Variants in SNTG2 observed in about 807,000 individuals in gnomAD.
SNTG2 encodes gamma-2-syntrophin.
A neutral mutation model predicts 70.9 loss-of-function variants in SNTG2; 74 were observed. The observed-to-expected ratio is 1.04, with a 90% confidence interval of 0.86 to 1.27. The LOEUF (loss-of-function observed/expected upper bound fraction) is 1.27, where lower values mean the gene tolerates loss of function less well. SNTG2 is among the 50% of genes most tolerant of loss of function. The probability of loss-of-function intolerance (pLI) is 0.00; values close to 1 mark genes in which losing one functional copy is unlikely to be tolerated. For missense variants in SNTG2, 717 were observed against 690.7 expected, an observed-to-expected ratio of 1.04 and a Z score of -0.43; for synonymous variants, 278 against 273.8, an observed-to-expected ratio of 1.02 and a Z score of -0.15.
intron 11 of SNTG2, among the ~76,000 whole-genome samples, chr2:1,240,133 A>G (rs1676952454): frequency 6.6e-6 from 1 of 152,234 alleles, no homozygotes; most frequent in Non-Finnish European, 1.5e-5. Context: ...GTAATTTGAA[A>G]TTTTAAGCAT....
rs1380615460 is a variant in SNTG2, at chr2:1,261,969, G to A, written c.1077+2528G>A. On this transcript the variant is annotated intron_variant, in intron 13 of 16. Coordinates refer to ENST00000308624, the MANE Select transcript of SNTG2 (RefSeq NM_018968.4). Reference sequence around the variant, plus strand: ...CAGTGGTGTTCCGGGAGCCTGTCGCGAGTGGCCGTTAAGAGTTCTAGAACG... The same window carrying A: ...CAGTGGTGTTCCGGGAGCCTGTCGCAAGTGGCCGTTAAGAGTTCTAGAACG... Among the ~76,000 whole-genome samples the A allele has an allele frequency of 3.3e-5, 5 of 152,126 alleles. No individual in the cohort carries two copies. The East Asian group carries it at 5.8e-4, about 18-fold the overall frequency.
At chr2:1,285,044 C>T (rs1679711778) in intron 14 of SNTG2, among the ~76,000 whole-genome samples, 1 of 151,902 alleles carries the variant, frequency 6.6e-6, no homozygotes, top group Admixed American at 6.6e-5. Flanking sequence ...CATCCCCAAG[C>T]TGAGGAGCAA....
chr2:1,162,044 A>C (rs1346062390), intron 6 of SNTG2, among the ~76,000 whole-genome samples: 1 of 128,038 alleles, frequency 7.8e-6, no homozygotes, highest in Non-Finnish European at 1.6e-5. Flanking sequence ...ACTGCACTCC[A>C]GCCTGGGCGA....
rs541944374 is a variant in SNTG2 at position 1,140,223 on chromosome 2, ATTTTACTACTTTAAGTTG to A, written c.411+2417_411+2434del. 4.1e-3 allele frequency among the ~76,000 whole-genome samples: 623 copies of A among 152,314 alleles called. 3 individuals carry two copies. Among genetic ancestry groups the A allele is most frequent in the African/African-American group, 0.013 (536 of 41,572 alleles). On this transcript the variant is annotated intron_variant, in intron 6 of 16. Transcript: ENST00000308624. ...CTTATTCACTCTACTGCTTTGGAAA[ATTTTACTACTTTAAGTTG>A]TTAAAACATCTTAATACACATACAT... is the stretch of plus-strand genomic sequence containing the variant.
In SNTG2 at chr2:1,367,375, G is replaced by A. The variant is rs1224182804; in HGVS notation, c.1521G>A (p.Leu507=). The A allele has an allele frequency of 6.4e-6, 10 of 1,551,614 alleles. No homozygotes were observed. The highest frequency in any genetic ancestry group is 8.7e-6 in the Non-Finnish European group (10 of 1,146,972). ...ELEFQDLRAV[L]HCIHSFIAAK... ...AGTTCCAGGACCTGAGGGCTGTCCT[G>A]CACTGCATCCACTCCTTCATAGCAG... Residue 507 remains leucine, a synonymous_variant, in exon 17 of 17, where the codon CTG becomes CTA. Transcript: ENST00000308624.
Position 1,017,548 on chromosome 2 carries a change from G to GAC in SNTG2, c.73-65958_73-65957dup, listed in dbSNP as rs35969039. On this transcript the variant is annotated intron_variant, in intron 1 of 16. Transcript: ENST00000308624. ...ATATATGCATATCCACACAGGCAGG[G>GAC]ACACACACACACATACACACATGCA... Among the ~76,000 whole-genome samples, 6 of 151,848 alleles carry GAC rather than the reference G, an allele frequency of 4.0e-5. No individual in the cohort carries two copies. In the South Asian group the frequency reaches 1.0e-3, roughly 26 times the overall value.
intron 9 of SNTG2, among the ~76,000 whole-genome samples, chr2:1,221,465 G>GCCTCTGCC (rs1428293623): frequency 6.9e-3 from 141 of 20,562 alleles, no homozygotes; most frequent in Non-Finnish European, 9.0e-3. Context: ...CTCTGTCTCT[G>GCCTCTGCC]TCTCTCTGTC....
rs73168786 is a variant in SNTG2, at chr2:1,138,230, T to C, written c.411+421T>C. Among the ~76,000 whole-genome samples the C allele has an allele frequency of 2.6e-3, 391 of 152,334 alleles. 1 individual carries two copies. Among genetic ancestry groups the C allele is most frequent in the African/African-American group, 8.9e-3 (371 of 41,588 alleles). The stretch of plus-strand genomic sequence containing the variant: ...CTTCACGCCTTTGCTCCCTGTTGGC[T>C]GGCAGCAGCACACGTGCATAGAATG... On this transcript the variant is annotated intron_variant, in intron 6 of 16. Coordinates refer to ENST00000308624, the MANE Select transcript of SNTG2 (RefSeq NM_018968.4).
chr2:1,179,419 A>G (rs1671709613), intron 8 of SNTG2, among the ~76,000 whole-genome samples: 1 of 152,202 alleles, frequency 6.6e-6, no homozygotes, highest in Non-Finnish European at 1.5e-5. Context: ...TTATACACCA[A>G]TAACAGACAA....
At chr2:978,150 G>A (rs1213637712) in intron 1 of SNTG2, among the ~76,000 whole-genome samples, 1 of 152,192 alleles carries the variant, frequency 6.6e-6, no homozygotes, top group East Asian at 1.9e-4. Context: ...GAAGGCGAGA[G>A]GGGGCAAAGG....
At chr2:1,311,014 C>T (rs1195865832) in intron 15 of SNTG2, among the ~76,000 whole-genome samples, 2 of 152,116 alleles carry the variant, frequency 1.3e-5, no homozygotes. Flanking sequence ...CGTGCGTATC[C>T]CTCACCCAAA....
chr2:1,044,964 C>T (rs1214885941), intron 1 of SNTG2, among the ~76,000 whole-genome samples: 7 of 151,642 alleles, frequency 4.6e-5, no homozygotes, highest in Non-Finnish European at 7.4e-5. Flanking sequence ...TTGGTACCAG[C>T]TCTTATTTAT....
At chr2:1,131,796 C>T (rs1050540254) in intron 4 of SNTG2, among the ~76,000 whole-genome samples, 1 of 151,962 alleles carries the variant, frequency 6.6e-6, no homozygotes, top group African/African-American at 2.4e-5. Context: ...GGACTACAGG[C>T]GACGCCACCA....
intron 1 of SNTG2, among the ~76,000 whole-genome samples, chr2:1,006,712 G>A (rs1289952011): frequency 1.3e-5 from 2 of 152,158 alleles, no homozygotes; most frequent in African/African-American, 4.8e-5. Flanking sequence ...GTAGATAGAA[G>A]TAATCTGGAG....
At chr2:1,177,873 G>C (rs1275349599) in intron 8 of SNTG2, among the ~76,000 whole-genome samples, 1 of 152,034 alleles carries the variant, frequency 6.6e-6, no homozygotes, top group Admixed American at 6.6e-5. Context: ...ATATTAATTT[G>C]TCATAAAAGA....
At chr2:1,185,439 C>T (rs1002681042) in intron 8 of SNTG2, among the ~76,000 whole-genome samples, 6 of 152,190 alleles carry the variant, frequency 3.9e-5, no homozygotes, top group African/African-American at 1.4e-4. Flanking sequence ...CTGCACTGCC[C>T]TAGTAGAGGT....
intron 8 of SNTG2, among the ~76,000 whole-genome samples, chr2:1,176,566 A>G (rs896868024): frequency 1.3e-5 from 2 of 152,194 alleles, no homozygotes; most frequent in Non-Finnish European, 2.9e-5. Flanking sequence ...GGCAAGTTAC[A>G]AAGTGGGAGA....
At chr2:1,232,055 C>T (rs1452191764) in intron 9 of SNTG2, among the ~76,000 whole-genome samples, 1 of 152,194 alleles carries the variant, frequency 6.6e-6, no homozygotes, top group Admixed American at 6.5e-5. Context: ...CAGTGCCCCA[C>T]TCACTGGCCT....
intron 1 of SNTG2, among the ~76,000 whole-genome samples, chr2:956,065 CT>C (rs1660133720): frequency 6.9e-6 from 1 of 145,442 alleles, no homozygotes; most frequent in Non-Finnish European, 1.5e-5. Flanking sequence ...GCCCCTACCC[CT>C]GACCCTGACT....
Sources: allele counts gnomAD v4.1 joint callset (sites outside exome capture counted in the v4.1 genomes callset), GRCh38; gene constraint gnomAD v4.1.1; transcripts MANE v1.5; gene names NCBI Gene and HGNC (gene_info 2026-07-23, HGNC 2026-07-21).